The following CACNA2D3 variants were observed in gnomAD, a reference collection of about 807,000 sequenced individuals.
The protein encoded by CACNA2D3 is voltage-dependent calcium channel subunit alpha-2/delta-3.
In CACNA2D3, 60 loss-of-function variants were observed where a neutral mutation model predicts 160.6. That is an observed-to-expected ratio of 0.37 (90% CI 0.30 to 0.46). The LOEUF is 0.46. Ranked by LOEUF, CACNA2D3 falls within the 20% of genes least tolerant of loss-of-function variation. CACNA2D3 has a pLI of 1.00. For synonymous variants in CACNA2D3, 558 were observed against 492.9 expected (o/e 1.13, Z -1.75); for missense variants, 1,205 against 1,365.0 (o/e 0.88, Z 1.85).
intron 2 of CACNA2D3, among the ~76,000 whole-genome samples, chr3:54,127,515 G>A (rs1225268006): frequency 6.6e-6 from 1 of 152,202 alleles, no homozygotes; most frequent in Non-Finnish European, 1.5e-5. Context: ...AGGTAGCAGT[G>A]CCTTGCTGCT....
chr3:55,023,266 T>G (rs760186654), intron 35 of CACNA2D3, among the ~76,000 whole-genome samples: 32 of 152,196 alleles, frequency 2.1e-4, no homozygotes, highest in Non-Finnish European at 2.9e-5. Context: ...GTTCTGAGGT[T>G]TCACTGAAGT....
intron 5 of CACNA2D3, among the ~76,000 whole-genome samples, chr3:54,555,012 T>C (rs1201791367): frequency 6.6e-6 from 1 of 151,632 alleles, no homozygotes; most frequent in Non-Finnish European, 1.5e-5. Context: ...GTAGCTGGGA[T>C]TACAGGAGCA....
At chr3:55,024,357 T>G (rs1331174387) in intron 35 of CACNA2D3, among the ~76,000 whole-genome samples, 1 of 151,994 alleles carries the variant, frequency 6.6e-6, no homozygotes, top group Non-Finnish European at 1.5e-5. Context: ...CAGTCACATG[T>G]AACATGTGCA....
intron 11 of CACNA2D3, among the ~76,000 whole-genome samples, chr3:54,695,127 C>T (rs1700641567): frequency 6.6e-6 from 1 of 152,124 alleles, no homozygotes; most frequent in African/African-American, 2.4e-5. Flanking sequence ...AAGTGATTCT[C>T]CTGCCTCAGC....
At chr3:54,984,474 A>G (rs1386997580) in intron 29 of CACNA2D3, 134 bp from the exon 30 acceptor site, 2 of 647,140 alleles carry the variant, frequency 3.1e-6, no homozygotes, top group East Asian at 2.9e-5. Context: ...GGCTTTTGCA[A>G]TTGCCTGAAA....
chr3:54,291,257 G>A (rs1432147498), intron 2 of CACNA2D3, among the ~76,000 whole-genome samples: 5 of 151,978 alleles, frequency 3.3e-5, no homozygotes, highest in Admixed American at 6.6e-5. Flanking sequence ...ATAAAAATTC[G>A]TGTCTCCACC....
intron 9 of CACNA2D3, among the ~76,000 whole-genome samples, chr3:54,619,046 G>A (rs1418603065): frequency 2.0e-5 from 3 of 152,266 alleles, no homozygotes; most frequent in Admixed American, 6.5e-5. Flanking sequence ...TCAGAAAGAC[G>A]TGAAGGGTGA....
At chr3:54,380,791 C>G (rs1186509292) in intron 3 of CACNA2D3, among the ~76,000 whole-genome samples, 1 of 152,144 alleles carries the variant, frequency 6.6e-6, no homozygotes, top group African/African-American at 2.4e-5. Flanking sequence ...CCATGCCGCT[C>G]TGGGTATGGT....
intron 11 of CACNA2D3, among the ~76,000 whole-genome samples, chr3:54,729,837 A>T (rs1701351636): frequency 6.6e-6 from 1 of 151,938 alleles, no homozygotes; most frequent in Non-Finnish European, 1.5e-5. Context: ...ATCTCTACTA[A>T]AAATACAAAA....
At chr3:54,261,102 G>T (rs1048734839) in intron 2 of CACNA2D3, among the ~76,000 whole-genome samples, 1 of 152,152 alleles carries the variant, frequency 6.6e-6, no homozygotes, top group Non-Finnish European at 1.5e-5. Context: ...TTTCTATTAA[G>T]AATAAATGTC....
chr3:54,446,818 C>T (rs1046207744), intron 4 of CACNA2D3, among the ~76,000 whole-genome samples: 3 of 152,028 alleles, frequency 2.0e-5, no homozygotes, highest in African/African-American at 7.3e-5. Flanking sequence ...GGCCTCCCCT[C>T]CCTCCCCACT....
At chr3:54,968,798 G>T (rs1702210302) in intron 28 of CACNA2D3, among the ~76,000 whole-genome samples, 1 of 152,178 alleles carries the variant, frequency 6.6e-6, no homozygotes, top group Non-Finnish European at 1.5e-5. Context: ...GGGGCCTTTT[G>T]TGAGATTTTC....
intron 27 of CACNA2D3, among the ~76,000 whole-genome samples, chr3:54,948,610 G>GAGAC (rs1701675695): frequency 6.6e-6 from 1 of 152,206 alleles, no homozygotes; most frequent in African/African-American, 2.4e-5. Flanking sequence ...GAAGGATGAT[G>GAGAC]AGACTCCTTG....
Position 54,413,121 on chromosome 3 carries a change from G to A in CACNA2D3, c.381+26347G>A, listed in dbSNP as rs373369889. On this transcript the variant is annotated intron_variant, in intron 4 of 37. Coordinates refer to ENST00000474759, the MANE Select transcript of CACNA2D3 (RefSeq NM_018398.3). ...CTTTTGTTTATCTAAAAATATCTTC[G>A]TTTTAACCTCATTTTGGAAGGATAA... is the stretch of plus-strand genomic sequence containing the variant. 2.4e-4 allele frequency among the ~76,000 whole-genome samples: 37 copies of A among 151,508 alleles called. No individual in the cohort carries two copies. The East Asian group carries it at 6.4e-3, about 26-fold the overall frequency.
intron 5 of CACNA2D3, among the ~76,000 whole-genome samples, chr3:54,525,259 C>A (rs934183069): frequency 6.6e-6 from 1 of 152,084 alleles, no homozygotes; most frequent in Non-Finnish European, 1.5e-5. Context: ...TTCCTTCATG[C>A]CGTTTTTGGC....
chr3:54,236,820 G>A (rs1426731692), intron 2 of CACNA2D3, among the ~76,000 whole-genome samples: 1 of 152,008 alleles, frequency 6.6e-6, no homozygotes, highest in Non-Finnish European at 1.5e-5. Context: ...TGTACAAGTA[G>A]TTTACACTTG....
At chr3:54,580,604 C>A (rs1256942256) in intron 8 of CACNA2D3, among the ~76,000 whole-genome samples, 1 of 152,170 alleles carries the variant, frequency 6.6e-6, no homozygotes, top group East Asian at 1.9e-4. Context: ...ACGCTGTCAT[C>A]AATCAAATGG....
At chr3:54,811,316 G>C (rs1366938211) in intron 13 of CACNA2D3, among the ~76,000 whole-genome samples, 3 of 151,852 alleles carry the variant, frequency 2.0e-5, no homozygotes, top group Admixed American at 6.6e-5. Flanking sequence ...CTCTGTTTTT[G>C]CATTTATCAA....
intron 11 of CACNA2D3, among the ~76,000 whole-genome samples, chr3:54,742,944 A>G (rs1449601823): frequency 6.6e-6 from 1 of 152,192 alleles, no homozygotes; most frequent in Non-Finnish European, 1.5e-5. Flanking sequence ...GCTTCAGGAG[A>G]AAAAGAAATC....
Sources: gnomAD v4.1 joint callset for allele counts (sites outside exome capture counted in the v4.1 genomes callset) on GRCh38, gnomAD v4.1.1 for gene constraint, MANE v1.5 for transcripts, NCBI Gene and HGNC (gene_info 2026-07-23, HGNC 2026-07-21) for gene names.